The following SF3A3 variants were observed in gnomAD, a reference collection of about 807,000 sequenced individuals.
The protein encoded by SF3A3 is splicing factor 3a subunit 3.
SF3A3 carries 9 observed loss-of-function variants against 85.8 expected under a neutral mutation model. That is an observed-to-expected ratio of 0.10 (90% CI 0.06 to 0.18). The LOEUF is 0.18. Ranked by LOEUF, SF3A3 falls within the 10% of genes least tolerant of loss-of-function variation. The probability of loss-of-function intolerance (pLI) is 1.00; values close to 1 mark genes in which losing one functional copy is unlikely to be tolerated. For synonymous variants in SF3A3, 195 were observed against 204.4 expected, an observed-to-expected ratio of 0.95 and a Z score of 0.39; for missense variants, 306 against 593.3, an observed-to-expected ratio of 0.52 and a Z score of 5.03.
chr1:37,985,459 AG>A (rs35312736), intron 4 of SF3A3, among the ~76,000 whole-genome samples: 40,290 of 151,986 alleles, frequency 0.27, 5,520 homozygotes, highest in Middle Eastern at 0.38. Context: ...AAATCAAAGG[AG>A]GGCAGGTATC....
In SF3A3 at chr1:37,967,981, G is replaced by C. The variant is rs1570457897; in HGVS notation, c.1372+63C>G. ...CCCTGGATACACAGGGTATTAGGAT[G>C]CTGAATTGAAGGAGTAGAGCCATTT... On this transcript the variant is annotated intron_variant, in intron 15 of 16. Coordinates refer to ENST00000373019, the MANE Select transcript of SF3A3 (RefSeq NM_006802.4). The C allele has an allele frequency of 3.2e-6, 3 of 944,152 alleles. No individual in the cohort carries two copies. In the East Asian group the frequency reaches 7.2e-5, roughly 23 times the overall value. The allele number at this position is 944,152 out of a possible 1,614,324, so 58.5% of individuals were successfully genotyped here.
At chr1:37,979,576 C>A (rs748514484) in intron 8 of SF3A3, 43 bp from the exon 9 acceptor site, 4 of 1,526,880 alleles carry the variant, frequency 2.6e-6, no homozygotes, top group Non-Finnish European at 3.6e-6. Context: ...CAGGTTTAGG[C>A]CAGGTGTGGT....
intron 12 of SF3A3, among the ~76,000 whole-genome samples, chr1:37,975,113 A>T (rs1406482531): frequency 6.6e-6 from 1 of 152,254 alleles, no homozygotes; most frequent in South Asian, 2.1e-4. Flanking sequence ...AACAAATGGT[A>T]TAATAATGGC....
intron 4 of SF3A3, among the ~76,000 whole-genome samples, chr1:37,986,811 CAAAAAAA>C (rs1186890843): frequency 3.2e-5 from 2 of 62,260 alleles, no homozygotes; most frequent in South Asian, 9.1e-4. Context: ...GACTCCATCT[CAAAAAAA>C]AAAAAAAAAA....
chr1:37,980,300 T>C (rs1205828543), intron 8 of SF3A3, among the ~76,000 whole-genome samples: 1 of 151,996 alleles, frequency 6.6e-6, no homozygotes, highest in African/African-American at 2.4e-5. Context: ...GGCGCGTGCC[T>C]GTAATCCCAG....
intron 12 of SF3A3, 131 bp from the exon 13 acceptor site, chr1:37,969,866 A>T: frequency 1.0e-6 from 1 of 987,670 alleles, no homozygotes; most frequent in Non-Finnish European, 1.5e-6. Context: ...GAATAAAGGA[A>T]AATCTTGCCT....
chr1:37,963,436 A>C (rs1646276106), intron 15 of SF3A3, among the ~76,000 whole-genome samples: 1 of 152,208 alleles, frequency 6.6e-6, no homozygotes, highest in South Asian at 2.1e-4. Flanking sequence ...GGTAGAAATA[A>C]TACAACTAAT....
At chr1:37,968,479 C>T (rs1646317711) in intron 14 of SF3A3, among the ~76,000 whole-genome samples, 1 of 152,186 alleles carries the variant, frequency 6.6e-6, no homozygotes. Flanking sequence ...CCCAGCAACT[C>T]CAAACACCTG....
At position 37,987,673 on chromosome 1, in the gene SF3A3, C is replaced by T. The variant is rs372195588; in HGVS notation, c.203G>A (p.Arg68Gln). The change falls in exon 4 of 17, where the codon CGA becomes CAA. Residue 68 changes from arginine to glutamine, a missense_variant. Arg to Gln is a conservative substitution (Grantham distance 43). Coordinates refer to ENST00000373019, the MANE Select transcript of SF3A3 (RefSeq NM_006802.4). Reference protein sequence around the residue: ...RDLYDDKDGLRKEELNAISGP... With the variant: ...RDLYDDKDGLQKEELNAISGP... Reference sequence around the variant, plus strand: ...TGAAATGGCATTGAGCTCCTCCTTTCGTAATCTGCAATTTCAGGAAAATTT... The same window carrying T: ...TGAAATGGCATTGAGCTCCTCCTTTTGTAATCTGCAATTTCAGGAAAATTT... The T allele has an allele frequency of 1.9e-5, 30 of 1,613,738 alleles. No individual in the cohort carries two copies. Among genetic ancestry groups the T allele is most frequent in the East Asian group, 2.2e-5 (1 of 44,898 alleles).
chr1:37,974,381 C>A (rs1053367201), intron 12 of SF3A3, among the ~76,000 whole-genome samples: 1 of 146,922 alleles, frequency 6.8e-6, no homozygotes, highest in African/African-American at 2.5e-5. Context: ...CGGCTCACTG[C>A]AACCTCTGCC....
Position 37,984,177 on chromosome 1 carries a change from C to T in SF3A3, c.460G>A (p.Ala154Thr). The T allele has an allele frequency of 6.3e-7, 1 of 1,596,038 alleles. No homozygotes were observed. The highest frequency in any genetic ancestry group is 8.6e-7 in the Non-Finnish European group (1 of 1,165,344). Residue 154 changes from alanine to threonine, a missense_variant, in exon 6 of 17, where the codon GCA (alanine) becomes ACA (threonine). Around this residue, in one of 4 missense-constraint regions of SF3A3, gnomAD observed 152 missense variants for 192.0 expected, o/e 0.79. Transcript: ENST00000373019. ...CCTTTCCCAGGCCTTACCTCAGATGCCTTCAGGTTAATGTACTTGAGGTAA... is the reference window on the plus strand; with the variant it reads ...CCTTTCCCAGGCCTTACCTCAGATGTCTTCAGGTTAATGTACTTGAGGTAA... ...DCYLKYINLK[A>T]SEKLDYITYL...
chr1:37,986,468 G>T (rs1462727809), intron 4 of SF3A3, among the ~76,000 whole-genome samples: 3 of 152,090 alleles, frequency 2.0e-5, no homozygotes, highest in African/African-American at 7.2e-5. Flanking sequence ...CCTTTCTGAT[G>T]GAAGCCTTCC....
chr1:37,982,085 T>G lies in SF3A3; in HGVS notation c.469-274A>C, dbSNP rs148079412. ...TAAACTAAAAGAAACGTTTGTCGATTATTACCTCATGCTAGGGTCTTGGTT... is the reference window on the plus strand; with the variant it reads ...TAAACTAAAAGAAACGTTTGTCGATGATTACCTCATGCTAGGGTCTTGGTT... On this transcript the variant is annotated intron_variant, in intron 6 of 16. Transcript: ENST00000373019. Among the ~76,000 whole-genome samples, 4 of 152,212 alleles carry G rather than the reference T, an allele frequency of 2.6e-5. No homozygotes were observed. The East Asian group carries it at 7.7e-4, about 29-fold the overall frequency.
chr1:37,958,473 C>T (rs928833074), intron 16 of SF3A3, among the ~76,000 whole-genome samples: 4 of 152,214 alleles, frequency 2.6e-5, no homozygotes, highest in Non-Finnish European at 5.9e-5. Context: ...AATGAATTAA[C>T]TTCTCTCGTA....
At chr1:37,979,399 G>A in intron 9 of SF3A3, 66 bp downstream of exon 9, 1 of 1,185,224 alleles carries the variant, frequency 8.4e-7, no homozygotes, top group Non-Finnish European at 1.3e-6. Flanking sequence ...ATTAAAGACA[G>A]GAGAGCAGTC....
At chr1:37,961,382 C>T (rs1256497366) in intron 15 of SF3A3, among the ~76,000 whole-genome samples, 5 of 151,786 alleles carry the variant, frequency 3.3e-5, no homozygotes, top group African/African-American at 1.2e-4. Context: ...GTCGGGAGTT[C>T]GAGACCAGCC....
At chr1:37,980,351 G>T (rs1446239180) in intron 8 of SF3A3, among the ~76,000 whole-genome samples, 2 of 151,826 alleles carry the variant, frequency 1.3e-5, no homozygotes, top group Non-Finnish European at 2.9e-5. Context: ...TTGAACCCGG[G>T]AAGCGGAGGT....
At position 37,987,612 on chromosome 1, in the gene SF3A3, G is replaced by C; in HGVS notation, c.264C>G (p.Leu88=). 1 of 1,614,020 alleles carries C rather than the reference G, an allele frequency of 6.2e-7. No homozygotes were observed. The highest frequency in any genetic ancestry group is 8.5e-7 in the Non-Finnish European group (1 of 1,179,934). Residue 88 remains leucine (L), a synonymous_variant, in exon 4 of 17, where the codon CTC becomes CTG. Coordinates refer to ENST00000373019, the MANE Select transcript of SF3A3 (RefSeq NM_006802.4). ...TCCGGTGGAATTCCTTTATTTGCTT[G>C]AGTCTATTATAGAATTCAGCAAACT... ...PNEFAEFYNR[L]KQIKEFHRKH... is the part of the protein sequence containing the mutation.
At chr1:37,988,445 C>G (rs1646470245) in intron 2 of SF3A3, among the ~76,000 whole-genome samples, 1 of 152,142 alleles carries the variant, frequency 6.6e-6, no homozygotes, top group South Asian at 2.1e-4. Flanking sequence ...AAACCTCATA[C>G]CTTATTTACC....
Sources: gnomAD v4.1 joint callset for allele counts (sites outside exome capture counted in the v4.1 genomes callset) on GRCh38, gnomAD v4.1.1 for gene constraint, gnomAD v4.1.1 regional missense constraint, MANE v1.5 for transcripts, NCBI Gene and HGNC (gene_info 2026-07-23, HGNC 2026-07-21) for gene names.